BLTP1: variants seen among roughly 807,000 people sequenced by gnomAD.
The protein encoded by BLTP1 is bridge-like lipid transfer protein family member 1.
At chr4:122,340,812 C>T in the BLTP1 span, 2 of 959,642 alleles carry the variant, frequency 2.1e-6, no homozygotes, top group Non-Finnish European at 1.2e-6. Context: ...ATAAAAGTTA[C>T]ACTCACTATT....
the BLTP1 span, among the ~76,000 whole-genome samples, chr4:122,197,685 A>G: frequency 6.6e-6 from 1 of 152,038 alleles, no homozygotes; most frequent in Non-Finnish European, 1.5e-5. Flanking sequence ...AGGTTATATT[A>G]TTAGTAGATT....
the BLTP1 span, chr4:122,196,852 G>GT: frequency 3.2e-6 from 3 of 925,072 alleles, no homozygotes; most frequent in Non-Finnish European, 1.5e-6. Context: ...ATTTTTCAGA[G>GT]TTTTTTCCTG....
At chr4:122,194,941 C>T in the BLTP1 span, among the ~76,000 whole-genome samples, 8 of 152,018 alleles carry the variant, frequency 5.3e-5, no homozygotes, top group Non-Finnish European at 1.2e-4. Flanking sequence ...CTATTTTTCA[C>T]ATATATTAAA....
chr4:122,175,309 A>T, the BLTP1 span: 4 of 970,118 alleles, frequency 4.1e-6, no homozygotes, highest in Non-Finnish European at 4.9e-6. Context: ...AGTGAAAAAT[A>T]AAAAGCTCAG....
the BLTP1 span, chr4:122,333,857 T>G: frequency 6.4e-7 from 1 of 1,563,428 alleles, no homozygotes; most frequent in Non-Finnish European, 8.6e-7. Context: ...TTGGTAGCAA[T>G]GTTTATTTTC....
the BLTP1 span, chr4:122,231,577 A>G: frequency 1.2e-6 from 1 of 835,348 alleles, no homozygotes; most frequent in Non-Finnish European, 1.4e-6. Flanking sequence ...ATTTTCATAT[A>G]TGACTTTAAT....
At chr4:122,271,580 G>T in the BLTP1 span, 1 of 1,613,588 alleles carries the variant, frequency 6.2e-7, no homozygotes, top group South Asian at 1.1e-5. Flanking sequence ...TCATATGGAT[G>T]ACTCTGATTC....
At chr4:122,344,492 T>G in the BLTP1 span, 5 of 1,614,034 alleles carry the variant, frequency 3.1e-6, no homozygotes, top group Non-Finnish European at 4.2e-6. Context: ...AGGAGGTGCC[T>G]CATTTTTTGA....
chr4:122,196,873 C>T, the BLTP1 span: 3 of 649,130 alleles, frequency 4.6e-6, no homozygotes, highest in African/African-American at 1.9e-5. Flanking sequence ...GTGACTAGTC[C>T]CATACTTGGA....
chr4:122,347,482 TA>T, the BLTP1 span: 1 of 1,582,586 alleles, frequency 6.3e-7, no homozygotes, highest in Non-Finnish European at 8.6e-7. Context: ...TTTACCCTGT[TA>T]CTTTGGATTT....
chr4:122,301,344 G>A, the BLTP1 span: 1 of 1,604,000 alleles, frequency 6.2e-7, no homozygotes, highest in Non-Finnish European at 8.5e-7. Flanking sequence ...TGATGGAACA[G>A]CAGATGGAGA....
chr4:122,304,815 C>T, the BLTP1 span: 1 of 1,613,654 alleles, frequency 6.2e-7, no homozygotes, highest in South Asian at 1.1e-5. Context: ...AAGTAACGGC[C>T]ACTACTCCAT....
the BLTP1 span, among the ~76,000 whole-genome samples, chr4:122,158,968 T>G: frequency 2.8e-4 from 42 of 152,214 alleles, no homozygotes; most frequent in African/African-American, 9.9e-4. Context: ...TTAAAAATTA[T>G]GTTTGTTTCA....
the BLTP1 span, chr4:122,181,320 C>G: frequency 7.7e-6 from 4 of 517,242 alleles, no homozygotes; most frequent in Non-Finnish European, 9.9e-6. Context: ...CTTGAACACT[C>G]CTCTTTTTTC....
the BLTP1 span, chr4:122,154,086 C>G: frequency 1.0e-6 from 1 of 979,350 alleles, no homozygotes; most frequent in Non-Finnish European, 1.2e-6. Context: ...AAAAACAGAA[C>G]GTTGCAAACT....
chr4:122,354,377 A>C, the BLTP1 span, among the ~76,000 whole-genome samples: 2 of 152,180 alleles, frequency 1.3e-5, no homozygotes, highest in Non-Finnish European at 2.9e-5. Flanking sequence ...AACTAAATAA[A>C]GGAATACCAC....
chr4:122,336,753 G>T, the BLTP1 span: 21 of 1,273,820 alleles, frequency 1.6e-5, no homozygotes, highest in Non-Finnish European at 2.2e-5. Context: ...ATAGAATGAA[G>T]GGCTACAGAA....
the BLTP1 span, chr4:122,313,737 T>A: frequency 1.8e-6 from 2 of 1,094,738 alleles, no homozygotes; most frequent in Non-Finnish European, 2.7e-6. Flanking sequence ...TCTGCCTTTA[T>A]TTTAATGGCA....
chr4:122,343,008 C>T, the BLTP1 span, among the ~76,000 whole-genome samples: 2 of 152,174 alleles, frequency 1.3e-5, no homozygotes, highest in African/African-American at 2.4e-5. Flanking sequence ...TTCCACTGCA[C>T]CTACTGAAAT....
Sources: gnomAD v4.1 joint callset for allele counts (sites outside exome capture counted in the v4.1 genomes callset) on GRCh38, gnomAD v4.1.1 for gene constraint, MANE v1.5 for transcripts, NCBI Gene and HGNC (gene_info 2026-07-23, HGNC 2026-07-21) for gene names.